RBFOX1: variants seen among roughly 807,000 people sequenced by gnomAD.
RBFOX1 encodes RNA binding protein fox-1 homolog 1.
Under a neutral mutation model 57.7 loss-of-function variants are expected in RBFOX1, and 8 were observed. The observed-to-expected ratio is 0.14, with a 90% confidence interval of 0.08 to 0.25. The LOEUF is 0.25. RBFOX1 is among the 10% of genes least tolerant of loss of function. The pLI, the probability that RBFOX1 is intolerant of heterozygous loss-of-function variation, is 1.00. For synonymous variants in RBFOX1, 326 were observed against 222.4 expected (o/e 1.47, Z -4.15); for missense variants, 611 against 548.5 (o/e 1.11, Z -1.14).
At chr16:7,007,128 A>T (rs1223446750) in intron 3 of RBFOX1, among the ~76,000 whole-genome samples, 1 of 152,202 alleles carries the variant, frequency 6.6e-6, no homozygotes, top group African/African-American at 2.4e-5. Flanking sequence ...GGCTCTGGGA[A>T]GAGTCCATTT....
chr16:7,647,586 G>C (rs1313592134), intron 11 of RBFOX1, among the ~76,000 whole-genome samples: 3 of 151,768 alleles, frequency 2.0e-5, no homozygotes, highest in African/African-American at 7.3e-5. Context: ...CTGGGGTTTA[G>C]AAATGACCAT....
chr16:6,135,897 T>G lies in RBFOX1; in HGVS notation c.-127+115905T>G, dbSNP rs2096663630. Among the ~76,000 whole-genome samples, 12 of 148,126 alleles carry G rather than the reference T, an allele frequency of 8.1e-5. No homozygotes were observed. The Admixed American group carries it at 8.3e-4, about 10-fold the overall frequency. ...GTACCCTCTGCCTCCCAGGCTCAAG[T>G]GATTCTCCTGCCTCAGCCTCCCCAG... On this transcript the variant is annotated intron_variant, in intron 1 of 15. Coordinates refer to ENST00000550418, the MANE Select transcript of RBFOX1 (RefSeq NM_018723.4).
rs114261991 is a variant in RBFOX1 at position 5,548,492 on chromosome 16, A to G, written c.259-50410A>G. On this transcript the variant is annotated intron_variant, in intron 2 of 2. Coordinates refer to the RBFOX1 transcript ENST00000585867. ...TAATAACTTAATTGTAGATTTAAGTATAACGTAAAAGTGTAATTGGATGGT... is the reference window on the plus strand; with the variant it reads ...TAATAACTTAATTGTAGATTTAAGTGTAACGTAAAAGTGTAATTGGATGGT... 9.2e-3 allele frequency among the ~76,000 whole-genome samples: 1,393 copies of G among 152,190 alleles called. 19 individuals carry two copies. The highest frequency in any genetic ancestry group is 0.027 in the African/African-American group (1,121 of 41,498).
intron 2 of RBFOX1, among the ~76,000 whole-genome samples, chr16:6,331,248 C>G (rs1042168637): frequency 6.6e-6 from 1 of 152,094 alleles, no homozygotes; most frequent in African/African-American, 2.4e-5. Context: ...GAGTTTGAGA[C>G]CAGCCTGATC....
chr16:5,841,445 A>G (rs1051487423), intron 3 of RBFOX1, among the ~76,000 whole-genome samples: 4 of 152,326 alleles, frequency 2.6e-5, no homozygotes, highest in South Asian at 2.1e-4. Context: ...GGAGGGCCCA[A>G]GAGAATAATT....
chr16:7,003,078 A>G (rs555045844), intron 3 of RBFOX1, among the ~76,000 whole-genome samples: 1 of 152,174 alleles, frequency 6.6e-6, no homozygotes, highest in Admixed American at 6.5e-5. Context: ...TTATACAATC[A>G]GGCCATGATT....
At chr16:5,700,567 T>C (rs1362545785) in intron 3 of RBFOX1, among the ~76,000 whole-genome samples, 3 of 152,206 alleles carry the variant, frequency 2.0e-5, no homozygotes, top group East Asian at 1.9e-4. Flanking sequence ...CTGTGGTGTA[T>C]CTAGGTAGAC....
intron 2 of RBFOX1, among the ~76,000 whole-genome samples, chr16:6,461,771 C>G (rs760412877): frequency 6.6e-6 from 1 of 152,028 alleles, no homozygotes; most frequent in Non-Finnish European, 1.5e-5. Flanking sequence ...GAGGGCTGTT[C>G]TGTTTAAGCT....
At chr16:5,365,397 G>C (rs572035447) in intron 1 of RBFOX1, among the ~76,000 whole-genome samples, 1 of 152,330 alleles carries the variant, frequency 6.6e-6, no homozygotes, top group East Asian at 1.9e-4. Flanking sequence ...GCTAGGCACA[G>C]TGTCTCACAC....
intron 3 of RBFOX1, among the ~76,000 whole-genome samples, chr16:7,029,150 GTA>G (rs1220425786): frequency 1.2e-4 from 6 of 48,870 alleles, no homozygotes; most frequent in South Asian, 9.8e-4. Flanking sequence ...GTGTATATAT[GTA>G]TATATATACA....
intron 10 of RBFOX1, among the ~76,000 whole-genome samples, chr16:7,611,704 A>C (rs1210710695): frequency 1.3e-5 from 2 of 152,034 alleles, no homozygotes; most frequent in Non-Finnish European, 2.9e-5. Context: ...CTTAATGAGG[A>C]CCTTTAATTA....
intron 6 of RBFOX1, 46 bp from the exon 7 acceptor site, chr16:7,587,201 A>G (rs371064414): frequency 6.8e-7 from 1 of 1,476,572 alleles, no homozygotes; most frequent in African/African-American, 1.4e-5. Flanking sequence ...AGTAATGTCT[A>G]CTGCATTTCT....
At chr16:6,024,069 AT>A (rs1368081658) in intron 1 of RBFOX1, among the ~76,000 whole-genome samples, 3 of 152,134 alleles carry the variant, frequency 2.0e-5, no homozygotes, top group African/African-American at 7.2e-5. Flanking sequence ...CATTTTTTGA[AT>A]CTGTAGTCAT....
At chr16:6,138,570 A>C (rs12934321) in intron 1 of RBFOX1, among the ~76,000 whole-genome samples, 13,923 of 152,218 alleles carry the variant, frequency 0.091, 719 homozygotes, top group African/African-American at 0.11. Context: ...ATCTTATGTC[A>C]GATAACATAA....
chr16:7,391,069 G>A lies in RBFOX1; in HGVS notation c.28-127078G>A, dbSNP rs143984405. Among the ~76,000 whole-genome samples, 6 of 152,204 alleles carry A rather than the reference G, an allele frequency of 3.9e-5. No individual in the cohort carries two copies. In the East Asian group the frequency reaches 1.2e-3, roughly 29 times the overall value. ...GTTGTGCCTGTTCCTTCTGCTCCTAGTCCTTAAGAACATAGCTCTTATCCT... is the reference window on the plus strand; with the variant it reads ...GTTGTGCCTGTTCCTTCTGCTCCTAATCCTTAAGAACATAGCTCTTATCCT... On this transcript the variant is annotated intron_variant, in intron 4 of 15. Transcript: ENST00000550418.
intron 15 of RBFOX1, chr16:7,710,316 GATT>G: frequency 1.7e-6 from 2 of 1,202,464 alleles, no homozygotes; most frequent in South Asian, 4.7e-5. Context: ...CTCAAGTGCA[GATT>G]ATTCTGTTAT....
In RBFOX1 at chr16:7,287,456, C is replaced by T. The variant is rs1010013499; in HGVS notation, c.28-230691C>T. Among the ~76,000 whole-genome samples the T allele has an allele frequency of 6.6e-5, 10 of 152,120 alleles. No homozygotes were observed. In the East Asian group the frequency reaches 1.2e-3, roughly 18 times the overall value. The stretch of plus-strand genomic sequence containing the variant: ...AACTTGCTCTAAAGGACCAGGACAG[C>T]GAGTAGGTGCAAGCTGATCCTTGGT... On this transcript the variant is annotated intron_variant, in intron 4 of 15. Coordinates refer to ENST00000550418, the MANE Select transcript of RBFOX1 (RefSeq NM_018723.4).
chr16:5,613,472 T>C (rs1263416301), intron 3 of RBFOX1, among the ~76,000 whole-genome samples: 1 of 152,148 alleles, frequency 6.6e-6, no homozygotes, highest in Non-Finnish European at 1.5e-5. Context: ...CAGCCCTGAT[T>C]ATGGCTCCCA....
At chr16:6,515,431 G>T (rs1336608642) in intron 2 of RBFOX1, among the ~76,000 whole-genome samples, 1 of 152,098 alleles carries the variant, frequency 6.6e-6, no homozygotes, top group Non-Finnish European at 1.5e-5. Flanking sequence ...TCCCATTTTG[G>T]TCCTGGACAT....
Sources: gnomAD v4.1 joint callset for allele counts (sites outside exome capture counted in the v4.1 genomes callset) on GRCh38, gnomAD v4.1.1 for gene constraint, MANE v1.5 for transcripts, NCBI Gene and HGNC (gene_info 2026-07-23, HGNC 2026-07-21) for gene names.